The following MMD2 variants were observed in gnomAD, a reference collection of about 807,000 sequenced individuals.
The protein encoded by MMD2 is monocyte to macrophage differentiation factor 2.
MMD2 carries 30 observed loss-of-function variants against 33.5 expected under a neutral mutation model. That is an observed-to-expected ratio of 0.90 (90% CI 0.67 to 1.22). The LOEUF is 1.22. Among genes scored for constraint, MMD2 ranks in the 50% most tolerant of loss-of-function variants. The probability of loss-of-function intolerance (pLI) is 0.00; values close to 1 mark genes in which losing one functional copy is unlikely to be tolerated. For synonymous variants in MMD2, 129 were observed against 123.0 expected (o/e 1.05, Z -0.32); for missense variants, 364 against 325.4 (o/e 1.12, Z -0.91).
At chr7:4,955,353 G>A (rs1289681862) in intron 1 of MMD2, among the ~76,000 whole-genome samples, 1 of 152,098 alleles carries the variant, frequency 6.6e-6, no homozygotes, top group Non-Finnish European at 1.5e-5. Flanking sequence ...GAACCTAGGG[G>A]GTTAGCTGGC....
chr7:4,923,751 C>T (rs1434708364), intron 2 of MMD2, among the ~76,000 whole-genome samples: 1 of 152,130 alleles, frequency 6.6e-6, no homozygotes, highest in Non-Finnish European at 1.5e-5. Context: ...TTCCGAGCCC[C>T]TACGATGCAC....
intron 3 of MMD2, among the ~76,000 whole-genome samples, chr7:4,917,236 G>C (rs770362228): frequency 1.6e-4 from 25 of 152,210 alleles, no homozygotes; most frequent in Non-Finnish European, 2.1e-4. Flanking sequence ...CCTTGAGCAA[G>C]TTACCTATTC....
chr7:4,908,092 G>A (rs907208802), intron 6 of MMD2, among the ~76,000 whole-genome samples: 1 of 151,152 alleles, frequency 6.6e-6, no homozygotes, highest in Non-Finnish European at 1.5e-5. Flanking sequence ...TTACAGGTGT[G>A]AGCCACCACA....
chr7:4,925,124 T>C (rs1785389055), intron 2 of MMD2, among the ~76,000 whole-genome samples: 1 of 152,026 alleles, frequency 6.6e-6, no homozygotes, highest in African/African-American at 2.4e-5. Context: ...AGAGACGGGG[T>C]TTCACCATGT....
chr7:4,957,542 G>A (rs60694459), intron 1 of MMD2, among the ~76,000 whole-genome samples: 1 of 151,934 alleles, frequency 6.6e-6, no homozygotes, highest in Non-Finnish European at 1.5e-5. Context: ...CCAGCTACTC[G>A]GAAGGCTGAA....
intron 4 of MMD2, among the ~76,000 whole-genome samples, chr7:4,911,809 C>A (rs1028443193): frequency 1.3e-5 from 2 of 151,832 alleles, no homozygotes; most frequent in African/African-American, 4.8e-5. Flanking sequence ...CCACCATGCC[C>A]GGCTAATTTT....
chr7:4,953,092 A>G (rs868787393), intron 1 of MMD2, among the ~76,000 whole-genome samples: 1 of 152,016 alleles, frequency 6.6e-6, no homozygotes, highest in Non-Finnish European at 1.5e-5. Flanking sequence ...CACCGGGATT[A>G]CAGGCATGAT....
At chr7:4,903,461 G>A (rs936340596), downstream of MMD2, among the ~76,000 whole-genome samples, 1 of 152,060 alleles carries the variant, frequency 6.6e-6, no homozygotes, top group African/African-American at 2.4e-5. Flanking sequence ...GAAAGGAGAA[G>A]GCTCAACGCC....
chr7:4,920,050 T>TC (rs1785234994), intron 3 of MMD2, 121 bp downstream of exon 3: 1 of 1,205,520 alleles, frequency 8.3e-7, no homozygotes, highest in Non-Finnish European at 1.1e-6. Flanking sequence ...GCCCAGCCCC[T>TC]CCCAGCTCAG....
At chr7:4,958,563 G>A (rs1484095372) in intron 1 of MMD2, among the ~76,000 whole-genome samples, 1 of 152,142 alleles carries the variant, frequency 6.6e-6, no homozygotes, top group African/African-American at 2.4e-5. Context: ...CTTTTACCAT[G>A]AACAAGAGTG....
chr7:4,957,389 C>G lies in MMD2; in HGVS notation c.47+1582G>C, dbSNP rs1388158213. Reference sequence around the variant, plus strand: ...AAAGGCCGGGGGCGGTGGGTCATGCCTGTAATCCCAGCACTTTGGGAGGCC... The same window carrying G: ...AAAGGCCGGGGGCGGTGGGTCATGCGTGTAATCCCAGCACTTTGGGAGGCC... On this transcript the variant is annotated intron_variant, in intron 1 of 6. Transcript: ENST00000401401. Among the ~76,000 whole-genome samples the G allele has an allele frequency of 3.3e-5, 5 of 151,368 alleles. No individual in the cohort carries two copies. In the East Asian group the frequency reaches 9.9e-4, roughly 30 times the overall value.
chr7:4,929,495 ATGTTTGTT>A (rs372195919), intron 1 of MMD2, among the ~76,000 whole-genome samples: 3 of 151,716 alleles, frequency 2.0e-5, no homozygotes, highest in East Asian at 1.9e-4. Flanking sequence ...AGACTGGCTT[ATGTTTGTT>A]TGTTTGTTTG....
chr7:4,928,549 C>T (rs75158709), intron 1 of MMD2, among the ~76,000 whole-genome samples: 1,835 of 151,254 alleles, frequency 0.012, 42 homozygotes, highest in African/African-American at 0.042. Flanking sequence ...TCATGGAGCA[C>T]TTATTAGGCA....
chr7:4,911,341 G>C, intron 4 of MMD2, 95 bp from the exon 5 acceptor site: 1 of 990,914 alleles, frequency 1.0e-6, no homozygotes, highest in Non-Finnish European at 1.5e-6. Flanking sequence ...GGACCCCAGG[G>C]AAGTCCTGTC....
intron 1 of MMD2, among the ~76,000 whole-genome samples, chr7:4,945,381 G>C (rs962340722): frequency 4.0e-5 from 6 of 150,684 alleles, no homozygotes; most frequent in Non-Finnish European, 1.5e-5. Context: ...CAATTCTCCT[G>C]CCTCAGCCTC....
At chr7:4,937,999 TTTC>T (rs1320472973) in intron 1 of MMD2, among the ~76,000 whole-genome samples, 37 of 101,092 alleles carry the variant, frequency 3.7e-4, no homozygotes, top group Non-Finnish European at 3.8e-4. Flanking sequence ...TTTTTCTTTC[TTTC>T]TTTTTTTTTT....
intron 1 of MMD2, 82 bp downstream of exon 1, chr7:4,958,889 C>G (rs932058617): frequency 3.3e-6 from 4 of 1,203,408 alleles, no homozygotes; most frequent in Non-Finnish European, 4.2e-6. Context: ...CGGCGGGGCC[C>G]GAGAACCAAG....
intron 1 of MMD2, 34 bp downstream of exon 1, chr7:4,958,937 T>C (rs1011217845): frequency 9.2e-7 from 1 of 1,092,148 alleles, no homozygotes; most frequent in Non-Finnish European, 1.2e-6. Flanking sequence ...CGCCCCTCCC[T>C]CCCTCCCCGC....
chr7:4,914,818 C>G (rs796103341), intron 4 of MMD2, among the ~76,000 whole-genome samples: 4 of 152,220 alleles, frequency 2.6e-5, no homozygotes, highest in African/African-American at 9.6e-5. Flanking sequence ...GTAGTCCTAG[C>G]TACTCAGGGG....
Sources: allele counts gnomAD v4.1 joint callset (sites outside exome capture counted in the v4.1 genomes callset), GRCh38; gene constraint gnomAD v4.1.1; transcripts MANE v1.5; gene names NCBI Gene and HGNC (gene_info 2026-07-23, HGNC 2026-07-21).